Variants in TMTC2 observed in about 807,000 individuals in gnomAD.
TMTC2 encodes the protein protein O-mannosyl-transferase TMTC2.
Under a neutral mutation model 82.4 loss-of-function variants are expected in TMTC2, and 43 were observed. The ratio of observed to expected loss-of-function variants is 0.52; its 90% CI spans 0.41 to 0.67. The LOEUF is 0.67. Among genes scored for constraint, TMTC2 ranks in the 30% least tolerant of loss-of-function variants. The probability of loss-of-function intolerance (pLI) is 0.00; values close to 1 mark genes in which losing one functional copy is unlikely to be tolerated. For missense variants in TMTC2, 919 were observed against 1,012.4 expected (o/e 0.91, Z 1.25); for synonymous variants, 408 against 381.9 (o/e 1.07, Z -0.80).
intron 7 of TMTC2, among the ~76,000 whole-genome samples, chr12:82,977,873 G>A (rs1458351531): frequency 2.0e-5 from 3 of 151,664 alleles, no homozygotes; most frequent in Non-Finnish European, 3.0e-5. Context: ...TACTGATTTC[G>A]AATGAGAAAA....
intron 1 of TMTC2, among the ~76,000 whole-genome samples, chr12:82,770,128 A>G (rs1877206124): frequency 6.6e-6 from 1 of 152,192 alleles, no homozygotes. Context: ...GTTACCCTTT[A>G]TAAAATGTAT....
chr12:82,966,189 C>T (rs1878199697), intron 6 of TMTC2, among the ~76,000 whole-genome samples: 1 of 151,856 alleles, frequency 6.6e-6, no homozygotes, highest in African/African-American at 2.4e-5. Flanking sequence ...GATATAAATG[C>T]CACCCATTTC....
chr12:82,814,950 G>A (rs1285095586), intron 1 of TMTC2, among the ~76,000 whole-genome samples: 3 of 152,038 alleles, frequency 2.0e-5, no homozygotes, highest in Admixed American at 2.0e-4. Flanking sequence ...GGAAAACTGA[G>A]TTACATATGG....
intron 1 of TMTC2, among the ~76,000 whole-genome samples, chr12:82,705,442 T>A (rs1873308622): frequency 6.6e-6 from 1 of 152,204 alleles, no homozygotes; most frequent in Non-Finnish European, 1.5e-5. Flanking sequence ...TTCTGAGAAC[T>A]TATGTCAGAG....
At chr12:82,972,831 A>G (rs1036752723) in intron 7 of TMTC2, among the ~76,000 whole-genome samples, 1 of 152,160 alleles carries the variant, frequency 6.6e-6, no homozygotes, top group Non-Finnish European at 1.5e-5. Flanking sequence ...TTTCTTTCTC[A>G]GCCTTCTGTG....
Position 82,896,387 on chromosome 12 carries a change from C to T in TMTC2, c.1224C>T (p.Ala408=). The T allele has an allele frequency of 6.2e-7, 1 of 1,614,098 alleles. No individual in the cohort carries two copies. The highest frequency in any genetic ancestry group is 8.5e-7 in the Non-Finnish European group (1 of 1,180,020). The part of the protein sequence containing the change: ...LSLLIIPFVP[A]TNLFFYVGFV... ...TGTTAATCATACCCTTTGTTCCTGC[C>T]ACGAACCTGTTTTTCTATGTCGGCT... Residue 408 remains alanine (A), a synonymous_variant, in exon 3 of 12, where the codon GCC becomes GCT. Coordinates refer to ENST00000321196, the MANE Select transcript of TMTC2 (RefSeq NM_152588.3).
At chr12:82,894,726 G>C (rs990533955) in intron 2 of TMTC2, among the ~76,000 whole-genome samples, 1 of 152,124 alleles carries the variant, frequency 6.6e-6, no homozygotes, top group Admixed American at 6.6e-5. Context: ...GCCTTAACAT[G>C]ATGTCCTTTG....
intron 2 of TMTC2, among the ~76,000 whole-genome samples, chr12:82,885,579 A>C (rs1248796780): frequency 6.6e-6 from 1 of 151,472 alleles, no homozygotes; most frequent in Non-Finnish European, 1.5e-5. Context: ...TATGTTGCCC[A>C]AGTGGGTCCT....
intron 1 of TMTC2, among the ~76,000 whole-genome samples, chr12:82,850,159 C>A (rs1175985864): frequency 1.3e-5 from 2 of 152,056 alleles, no homozygotes; most frequent in African/African-American, 2.4e-5. Flanking sequence ...AGGAGGGGGT[C>A]TGCAAAAACA....
rs147088494 is a variant in TMTC2, at chr12:82,753,704, A to G, written c.83+66035A>G. Among the ~76,000 whole-genome samples the G allele has an allele frequency of 5.7e-3, 876 of 152,356 alleles. 6 individuals carry two copies. The highest frequency in any genetic ancestry group is 0.02 in the African/African-American group (834 of 41,576). ...TCTCTCTCATGAGATTGCCAAAGGCACAGTTAAATTCTCTGGGAGGCCCAA... is the reference window on the plus strand; with the variant it reads ...TCTCTCTCATGAGATTGCCAAAGGCGCAGTTAAATTCTCTGGGAGGCCCAA... On this transcript the variant is annotated intron_variant, in intron 1 of 11. Transcript: ENST00000321196.
chr12:82,996,694 A>G (rs1879630933), intron 8 of TMTC2, among the ~76,000 whole-genome samples: 1 of 152,244 alleles, frequency 6.6e-6, no homozygotes, highest in Non-Finnish European at 1.5e-5. Flanking sequence ...ATAAAGCCAT[A>G]TATAATGATG....
chr12:82,925,815 T>C (rs907436915), intron 3 of TMTC2, among the ~76,000 whole-genome samples: 1 of 152,022 alleles, frequency 6.6e-6, no homozygotes, highest in African/African-American at 2.4e-5. Context: ...AAAAAAAATA[T>C]TGAAATTAGG....
At chr12:82,882,325 G>T (rs770009758) in intron 2 of TMTC2, among the ~76,000 whole-genome samples, 1 of 151,994 alleles carries the variant, frequency 6.6e-6, no homozygotes, top group Non-Finnish European at 1.5e-5. Flanking sequence ...ACTAGCCTTC[G>T]GGTACTGTTG....
intron 7 of TMTC2, among the ~76,000 whole-genome samples, chr12:82,985,461 GT>G (rs1879112559): frequency 6.6e-6 from 1 of 152,078 alleles, no homozygotes; most frequent in African/African-American, 2.4e-5. Context: ...TCTCAAAAAG[GT>G]AAGTCATTTG....
intron 8 of TMTC2, 57 bp from the exon 9 acceptor site, chr12:83,030,741 C>A: frequency 2.3e-6 from 3 of 1,315,768 alleles, no homozygotes; most frequent in Middle Eastern, 1.8e-4. Context: ...TAGGCCCAGG[C>A]AGTGAAGAAT....
chr12:82,711,948 G>T (rs1873643580), intron 1 of TMTC2, among the ~76,000 whole-genome samples: 1 of 152,148 alleles, frequency 6.6e-6, no homozygotes, highest in African/African-American at 2.4e-5. Flanking sequence ...CCTCCTTCTT[G>T]TTGTTTCTTC....
At chr12:83,001,635 C>CAAAAAAA (rs34467744) in intron 8 of TMTC2, among the ~76,000 whole-genome samples, 7 of 93,088 alleles carry the variant, frequency 7.5e-5, no homozygotes, top group Admixed American at 1.2e-4. Flanking sequence ...AACTCTGTCT[C>CAAAAAAA]AAAAAAAAAA....
chr12:82,962,726 A>C (rs987953346), intron 4 of TMTC2, among the ~76,000 whole-genome samples: 31 of 152,064 alleles, frequency 2.0e-4, no homozygotes, highest in African/African-American at 6.7e-4. Context: ...GAGGGAGATC[A>C]TTTTTTCAAA....
At chr12:82,757,346 G>A (rs1246267322) in intron 1 of TMTC2, among the ~76,000 whole-genome samples, 1 of 152,174 alleles carries the variant, frequency 6.6e-6, no homozygotes. Flanking sequence ...TTGCTCATGA[G>A]TGAAATCTCT....
Sources: allele counts gnomAD v4.1 joint callset (sites outside exome capture counted in the v4.1 genomes callset), GRCh38; gene constraint gnomAD v4.1.1; transcripts MANE v1.5; gene names NCBI Gene and HGNC (gene_info 2026-07-23, HGNC 2026-07-21).